The following LTN1 variants were observed in gnomAD, a reference collection of about 807,000 sequenced individuals.
LTN1 encodes the protein listerin E3 ubiquitin protein ligase 1, also known as E3 ubiquitin-protein ligase listerin.
Under a neutral mutation model 201.2 loss-of-function variants are expected in LTN1, and 88 were observed. That is an observed-to-expected ratio of 0.44 (90% CI 0.37 to 0.52). The LOEUF (loss-of-function observed/expected upper bound fraction) is 0.52. LTN1 is among the 20% of genes least tolerant of loss of function. The pLI is 0.00. For synonymous variants in LTN1, 645 were observed against 713.5 expected (o/e 0.90, Z 1.53); for missense variants, 1,752 against 2,038.7 (o/e 0.86, Z 2.71).
intron 11 of LTN1, among the ~76,000 whole-genome samples, chr21:28,962,758 G>C (rs1443629334): frequency 6.6e-6 from 1 of 152,224 alleles, no homozygotes; most frequent in Non-Finnish European, 1.5e-5. Flanking sequence ...CAAGACAGGT[G>C]GAAAACTAGG....
intron 21 of LTN1, among the ~76,000 whole-genome samples, chr21:28,945,588 G>A (rs1334809529): frequency 6.6e-6 from 1 of 152,178 alleles, no homozygotes; most frequent in African/African-American, 2.4e-5. Flanking sequence ...TTTAATAACA[G>A]GAGATTTGGT....
chr21:28,944,591 T>G lies in LTN1; in HGVS notation c.3774A>C (p.Thr1258=). Residue 1258 remains threonine (T), a synonymous_variant, in exon 22 of 30, where the codon ACA becomes ACC. Coordinates refer to ENST00000361371, the MANE Select transcript of LTN1 (RefSeq NM_015565.3). ...MCSMLAWLET[T]SENQALYSIP... is the part of the protein sequence containing the mutation. ...TAGAATACAATGCCTGATTCTCACT[T>G]GTTGTCTGAAAAAACAATAAAAATG... The G allele has an allele frequency of 6.2e-7, 1 of 1,611,310 alleles. No homozygotes were observed.
chr21:28,968,216 T>G (rs181537336), intron 9 of LTN1, among the ~76,000 whole-genome samples: 58 of 152,336 alleles, frequency 3.8e-4, no homozygotes, highest in African/African-American at 1.3e-3. Flanking sequence ...TAAAATTGAC[T>G]GGGATTCTTG....
chr21:28,948,208 AAAT>A (rs1435544075), intron 18 of LTN1, among the ~76,000 whole-genome samples: 1 of 149,988 alleles, frequency 6.7e-6, no homozygotes, highest in Admixed American at 6.6e-5. Flanking sequence ...AAAAAAAAAA[AAAT>A]AGAGTCAATT....
chr21:28,935,381 A>T, intron 26 of LTN1, 52 bp from the exon 27 acceptor site: 1 of 1,066,538 alleles, frequency 9.4e-7, no homozygotes. Context: ...TATATAGAAT[A>T]ACAGACTAAT....
chr21:28,930,333 AG>A lies in LTN1; in HGVS notation c.*114del. 1 of 635,294 alleles carries A rather than the reference AG, an allele frequency of 1.6e-6. No homozygotes were observed. Among genetic ancestry groups the A allele is most frequent in the Non-Finnish European group, 2.7e-6 (1 of 366,550 alleles). 39.4% of individuals were successfully genotyped at this position (635,294 alleles called of 1,614,324 possible). ...ATTAACCAAAATAATTTTCCAGAGAAGGTCCTATTTAAAAGTAATGCTCACT... is the reference window on the plus strand; with the variant it reads ...ATTAACCAAAATAATTTTCCAGAGAAGTCCTATTTAAAAGTAATGCTCACT... On this transcript the variant is annotated 3_prime_UTR_variant, in exon 30 of 30. Transcript: ENST00000361371.
intron 9 of LTN1, among the ~76,000 whole-genome samples, chr21:28,968,886 C>T (rs1310558225): frequency 1.3e-5 from 2 of 151,196 alleles, no homozygotes; most frequent in Non-Finnish European, 3.0e-5. Flanking sequence ...GGATTACAGG[C>T]GTGAGCCACG....
At chr21:28,942,458 C>T (rs188361741) in intron 24 of LTN1, among the ~76,000 whole-genome samples, 15 of 152,188 alleles carry the variant, frequency 9.9e-5, no homozygotes, top group Non-Finnish European at 4.4e-5. Context: ...TATTATAGGC[C>T]AGGAAGCATT....
rs748692674 is a variant in LTN1 at position 28,970,663 on chromosome 21, A to G, written c.1064T>C (p.Leu355Pro). ...STVIREGGRG[L>P]ATVIYPYLLP... Reference sequence around the variant, plus strand: ...AAGGTAAGGATATATGACAGTAGCTAGACCCCGACCACCTTCACGAATCAC... The same window carrying G: ...AAGGTAAGGATATATGACAGTAGCTGGACCCCGACCACCTTCACGAATCAC... Residue 355 changes from leucine to proline, a missense_variant, in exon 8 of 30, where the codon CTA (leucine) becomes CCA (proline). Physicochemically the swap from Leu to Pro is moderately conservative, Grantham distance 98. Around this residue, in one of 3 missense-constraint regions of LTN1, gnomAD observed 1,211 missense variants for 1,312.8 expected, o/e 0.92. Transcript: ENST00000361371. 2.2e-5 allele frequency: 35 copies of G among 1,613,934 alleles called. No homozygotes were observed. The highest frequency in any genetic ancestry group is 2.8e-5 in the Non-Finnish European group (33 of 1,179,936).
rs191559069 is a variant in LTN1, at chr21:28,966,517, C to T, written c.1974G>A (p.Ala658=). 8.6e-5 allele frequency: 138 copies of T among 1,614,020 alleles called. No homozygotes were observed. The highest frequency in any genetic ancestry group is 3.8e-4 in the Admixed American group (23 of 60,014). Residue 658 remains alanine, a synonymous_variant, in exon 10 of 30, where the codon GCG becomes GCA. Transcript: ENST00000361371. ...TCAGTTTCTGGTATAAAAACTGCAC[C>T]GCAGGATTTTTTTGTACAAGCTTGG... The part of the protein sequence containing the change: ...EIAKLVQKNP[A]VQFLYQKLIG...
In LTN1 at chr21:28,942,866, C is replaced by T. The variant is rs926645519; in HGVS notation, c.4295+396G>A. ...TTATCATATACTATATTTTCCATAA[C>T]GCTACAGTATCATCTGTATCAGATA... On this transcript the variant is annotated intron_variant, in intron 24 of 29. Coordinates refer to ENST00000361371, the MANE Select transcript of LTN1 (RefSeq NM_015565.3). Among the ~76,000 whole-genome samples the T allele has an allele frequency of 6.6e-5, 10 of 152,280 alleles. No homozygotes were observed. In the South Asian group the frequency reaches 1.9e-3, roughly 28 times the overall value.
At chr21:28,951,013 G>A (rs762780938) in intron 18 of LTN1, among the ~76,000 whole-genome samples, 2 of 151,972 alleles carry the variant, frequency 1.3e-5, no homozygotes, top group East Asian at 3.9e-4. Flanking sequence ...CAGAACACAC[G>A]CACACTCTGT....
chr21:28,941,429 C>T (rs76584881), intron 24 of LTN1, 23 bp from the exon 25 acceptor site: 2 of 1,537,868 alleles, frequency 1.3e-6, no homozygotes, highest in Non-Finnish European at 1.8e-6. Context: ...GATTAAACAC[C>T]ACAAGTTTTC....
At chr21:28,965,509 T>C (rs1984011) in intron 11 of LTN1, among the ~76,000 whole-genome samples, 4 of 152,016 alleles carry the variant, frequency 2.6e-5, no homozygotes, top group African/African-American at 9.6e-5. Context: ...AGCTAGAACC[T>C]CCAATCCATT....
chr21:28,983,582 T>A (rs1007646893), intron 4 of LTN1, among the ~76,000 whole-genome samples: 2 of 152,116 alleles, frequency 1.3e-5, no homozygotes, highest in Non-Finnish European at 2.9e-5. Flanking sequence ...GTGAAGAGAT[T>A]AGATAGGGAA....
rs2084527549 is a variant in LTN1 at position 28,966,735 on chromosome 21, T to G, written c.1756A>C (p.Arg586=). 6.2e-7 allele frequency: 1 copy of G among 1,613,986 alleles called. No individual in the cohort carries two copies. Among genetic ancestry groups the G allele is most frequent in the Non-Finnish European group, 8.5e-7 (1 of 1,179,988 alleles). The part of the protein sequence containing the change: ...HNSSGLLSPL[R]KKPLEDLVCK... Reference sequence around the variant, plus strand: ...ACTAAGTCTTCCAAAGGTTTTTTCCTTAGAGGAGACAAAAGGCCTGAAGAA... The same window carrying G: ...ACTAAGTCTTCCAAAGGTTTTTTCCGTAGAGGAGACAAAAGGCCTGAAGAA... The change falls in exon 10 of 30, where the codon AGG becomes CGG. Residue 586 remains arginine (R), a synonymous_variant. Transcript: ENST00000361371.
chr21:28,957,257 C>A (rs2084433242), intron 15 of LTN1, 75 bp downstream of exon 15: 1 of 1,363,246 alleles, frequency 7.3e-7, no homozygotes, highest in Non-Finnish European at 9.9e-7. Flanking sequence ...TTTTCTTCCC[C>A]AAAATAAAAA....
At position 28,945,538 on chromosome 21, in the gene LTN1, C is replaced by CTGTA. The variant is rs1411475999; in HGVS notation, c.3768+268_3768+269insTACA. Among the ~76,000 whole-genome samples the CTGTA allele has an allele frequency of 4.6e-5, 7 of 152,278 alleles. No individual in the cohort carries two copies. The East Asian group carries it at 1.3e-3, about 29-fold the overall frequency. On this transcript the variant is annotated intron_variant, in intron 21 of 29. Coordinates refer to ENST00000361371, the MANE Select transcript of LTN1 (RefSeq NM_015565.3). ...CATTAACAGATAAAACCTGAAAGGG[C>CTGTA]TGTGCTGCAAATATTACAATAAGCT...
Position 28,953,274 on chromosome 21 carries a change from T to A in LTN1, c.3182A>T (p.Tyr1061Phe). The A allele has an allele frequency of 2.5e-6, 4 of 1,604,930 alleles. No homozygotes were observed. The highest frequency in any genetic ancestry group is 3.4e-6 in the Non-Finnish European group (4 of 1,177,584). The change falls in exon 17 of 30, where the codon TAT becomes TTT. Residue 1061 changes from tyrosine to phenylalanine, a missense_variant. By Grantham distance (22) the Tyr-to-Phe change is conservative (BLOSUM62 3). Coordinates refer to ENST00000361371, the MANE Select transcript of LTN1 (RefSeq NM_015565.3). ...CEILQKMNIT[Y>F]DNLRVLGNTS... ...ATTACCAAGTACACGTAAGTTATCA[T>A]ACGTAATATTCATTTTTTGAAGTAT...
Sources: gnomAD v4.1 joint callset for allele counts (sites outside exome capture counted in the v4.1 genomes callset) on GRCh38, gnomAD v4.1.1 for gene constraint, gnomAD v4.1.1 regional missense constraint, MANE v1.5 for transcripts, NCBI Gene and HGNC (gene_info 2026-07-23, HGNC 2026-07-21) for gene names.